The following PDE4D variants were observed in gnomAD, a reference collection of about 807,000 sequenced individuals.
The protein encoded by PDE4D is phosphodiesterase 4D.
A neutral mutation model predicts 87.4 loss-of-function variants in PDE4D; 24 were observed. That is an observed-to-expected ratio of 0.27 (90% CI 0.20 to 0.39). The LOEUF is 0.39. PDE4D is among the 10% of genes least tolerant of loss of function. The pLI, the probability that PDE4D is intolerant of heterozygous loss-of-function variation, is 1.00. For synonymous variants in PDE4D, 384 were observed against 383.2 expected, an observed-to-expected ratio of 1.00 and a Z score of -0.02; for missense variants, 714 against 1,041.0, an observed-to-expected ratio of 0.69 and a Z score of 4.32.
intron 1 of PDE4D, among the ~76,000 whole-genome samples, chr5:59,812,154 C>T (rs1196166105): frequency 6.6e-6 from 1 of 152,178 alleles, no homozygotes; most frequent in African/African-American, 2.4e-5. Context: ...CATGTCTGTT[C>T]TTGGATGATC....
At chr5:59,403,190 T>C (rs1430501287) in intron 1 of PDE4D, among the ~76,000 whole-genome samples, 3 of 148,578 alleles carry the variant, frequency 2.0e-5, no homozygotes, top group Non-Finnish European at 4.5e-5. Flanking sequence ...GATAGATAGA[T>C]TGATTGATTT....
chr5:60,458,166 C>G (rs1746622534), intron 1 of PDE4D, among the ~76,000 whole-genome samples: 1 of 152,068 alleles, frequency 6.6e-6, no homozygotes, highest in Non-Finnish European at 1.5e-5. Flanking sequence ...GGGTGGATCA[C>G]TTGAGGCCAG....
chr5:59,436,928 G>C (rs369066195), intron 1 of PDE4D, among the ~76,000 whole-genome samples: 43 of 152,268 alleles, frequency 2.8e-4, no homozygotes, highest in Middle Eastern at 3.4e-3. Flanking sequence ...AGTGAATCAG[G>C]TATCTAAGTA....
At chr5:59,545,934 C>T (rs1301590708) in intron 1 of PDE4D, among the ~76,000 whole-genome samples, 2 of 152,172 alleles carry the variant, frequency 1.3e-5, no homozygotes, top group African/African-American at 2.4e-5. Flanking sequence ...GAGTCAAATA[C>T]TCACTTGCAT....
chr5:59,495,257 T>A (rs1447088609), intron 1 of PDE4D, among the ~76,000 whole-genome samples: 1 of 152,222 alleles, frequency 6.6e-6, no homozygotes, highest in Admixed American at 6.5e-5. Context: ...CTTGCATGCT[T>A]CTCTTAGTCC....
chr5:59,767,092 G>T (rs1422904676), intron 1 of PDE4D, among the ~76,000 whole-genome samples: 3 of 151,906 alleles, frequency 2.0e-5, no homozygotes, highest in Admixed American at 2.0e-4. Context: ...CTTGTCACTG[G>T]TTTAGGTTTT....
At chr5:59,136,103 T>C (rs769917560) in intron 5 of PDE4D, among the ~76,000 whole-genome samples, 2 of 152,060 alleles carry the variant, frequency 1.3e-5, no homozygotes, top group Non-Finnish European at 2.9e-5. Context: ...TTTCTTAATA[T>C]ACTCAAAACA....
chr5:60,172,299 C>CACAA (rs751535191), intron 2 of PDE4D, among the ~76,000 whole-genome samples: 1 of 149,674 alleles, frequency 6.7e-6, no homozygotes, highest in Non-Finnish European at 1.5e-5. Flanking sequence ...CACACACACA[C>CACAA]AAATATGCAA....
rs139815106 is a variant in PDE4D at position 59,044,427 on chromosome 5, A to G, written c.809-5456T>C. Among the ~76,000 whole-genome samples the G allele has an allele frequency of 5.2e-3, 788 of 152,302 alleles. 10 individuals carry two copies. The highest frequency in any genetic ancestry group is 0.018 in the African/African-American group (753 of 41,558). ...CTTCTCTTCTCTTAATTCTTACAAA[A>G]TTTCCCCTTTGTTCTACGGAAGGAA... On this transcript the variant is annotated intron_variant, in intron 5 of 14. Coordinates refer to ENST00000340635, the MANE Select transcript of PDE4D (RefSeq NM_001104631.2).
intron 1 of PDE4D, among the ~76,000 whole-genome samples, chr5:59,674,244 T>G (rs1332555319): frequency 6.6e-6 from 1 of 152,170 alleles, no homozygotes; most frequent in Non-Finnish European, 1.5e-5. Flanking sequence ...GGATAAGATA[T>G]GCTTGCCTAA....
At chr5:59,082,876 T>A (rs763697703) in intron 5 of PDE4D, among the ~76,000 whole-genome samples, 1 of 152,150 alleles carries the variant, frequency 6.6e-6, no homozygotes, top group Non-Finnish European at 1.5e-5. Flanking sequence ...TGACTCTAAC[T>A]TAGGCTGCCT....
At chr5:60,333,735 C>T (rs1290194796) in intron 1 of PDE4D, among the ~76,000 whole-genome samples, 3 of 152,228 alleles carry the variant, frequency 2.0e-5, no homozygotes, top group Non-Finnish European at 4.4e-5. Flanking sequence ...TCCATCCACA[C>T]CTGTTGTTAC....
rs1181164340 is a variant in PDE4D, at chr5:59,277,066, G to A, written c.456-61098C>T. On this transcript the variant is annotated intron_variant, in intron 1 of 14. Coordinates refer to ENST00000340635, the MANE Select transcript of PDE4D (RefSeq NM_001104631.2). ...TTGCTTAAATGGCATTAGCTAGTAC[G>A]TTGGTTCTCTAGTCTGACGTGAACT... Among the ~76,000 whole-genome samples the A allele has an allele frequency of 2.6e-5, 4 of 152,120 alleles. No individual in the cohort carries two copies. In the East Asian group the frequency reaches 5.8e-4, roughly 22 times the overall value.
intron 2 of PDE4D, among the ~76,000 whole-genome samples, chr5:60,102,094 A>T (rs1323926964): frequency 6.6e-6 from 1 of 152,212 alleles, no homozygotes; most frequent in African/African-American, 2.4e-5. Context: ...GAAATTAAAA[A>T]TAATTAATTT....
chr5:60,450,412 C>T (rs1160726260), intron 1 of PDE4D, among the ~76,000 whole-genome samples: 1 of 152,070 alleles, frequency 6.6e-6, no homozygotes, highest in Non-Finnish European at 1.5e-5. Context: ...CTATCCCCAG[C>T]CTAGTTTGGA....
intron 1 of PDE4D, among the ~76,000 whole-genome samples, chr5:59,366,883 G>A (rs1783145204): frequency 6.6e-6 from 1 of 152,186 alleles, no homozygotes; most frequent in Admixed American, 6.5e-5. Context: ...GTCAAGGTCA[G>A]ATGACATTAC....
At chr5:59,438,920 C>T (rs970646422) in intron 1 of PDE4D, among the ~76,000 whole-genome samples, 2 of 152,168 alleles carry the variant, frequency 1.3e-5, no homozygotes, top group African/African-American at 4.8e-5. Flanking sequence ...GAATGTTCTC[C>T]TAAATGTAAA....
intron 1 of PDE4D, among the ~76,000 whole-genome samples, chr5:59,867,263 T>C (rs139692724): frequency 1.2e-3 from 176 of 152,204 alleles, no homozygotes; most frequent in African/African-American, 4.0e-3. Flanking sequence ...TCAAAGATAC[T>C]TTGTATGAAA....
intron 1 of PDE4D, among the ~76,000 whole-genome samples, chr5:59,864,567 C>T (rs1360004923): frequency 6.6e-6 from 1 of 152,188 alleles, no homozygotes; most frequent in African/African-American, 2.4e-5. Context: ...AAGGGCATTT[C>T]ACTATGCTTA....
Sources: gnomAD v4.1 joint callset for allele counts (sites outside exome capture counted in the v4.1 genomes callset) on GRCh38, gnomAD v4.1.1 for gene constraint, MANE v1.5 for transcripts, NCBI Gene and HGNC (gene_info 2026-07-23, HGNC 2026-07-21) for gene names.